KAZN: variants seen among roughly 807,000 people sequenced by gnomAD.
KAZN encodes the protein kazrin.
KAZN carries 40 observed loss-of-function variants against 87.4 expected under a neutral mutation model. The ratio of observed to expected loss-of-function variants is 0.46; its 90% CI spans 0.36 to 0.60. The LOEUF (loss-of-function observed/expected upper bound fraction) is 0.60, where lower values mean the gene tolerates loss of function less well. KAZN is among the 20% of genes least tolerant of loss of function. The probability of loss-of-function intolerance (pLI) is 0.00; values close to 1 mark genes in which losing one functional copy is unlikely to be tolerated. For missense variants in KAZN, 898 were observed against 1,073.9 expected, an observed-to-expected ratio of 0.84 and a Z score of 2.29; for synonymous variants, 466 against 458.3, an observed-to-expected ratio of 1.02 and a Z score of -0.22.
intron 2 of KAZN, among the ~76,000 whole-genome samples, chr1:14,451,847 G>C (rs1332167241): frequency 1.3e-5 from 2 of 152,182 alleles, no homozygotes; most frequent in Non-Finnish European, 2.9e-5. Flanking sequence ...AAGACAGTCA[G>C]GTAGACTGAG....
intron 1 of KAZN, among the ~76,000 whole-genome samples, chr1:14,882,052 C>T (rs552480934): frequency 9.9e-5 from 15 of 152,242 alleles, no homozygotes; most frequent in South Asian, 6.2e-4. Flanking sequence ...GTAGCTCTGG[C>T]GTGGGACCTG....
intron 2 of KAZN, among the ~76,000 whole-genome samples, chr1:14,229,206 A>G (rs577287956): frequency 1.1e-4 from 17 of 152,356 alleles, no homozygotes; most frequent in Admixed American, 9.1e-4. Flanking sequence ...CTTTAATTCA[A>G]TTGCAGCCAA....
intron 1 of KAZN, among the ~76,000 whole-genome samples, chr1:14,166,252 C>T (rs1645824437): frequency 6.6e-6 from 1 of 152,192 alleles, no homozygotes; most frequent in South Asian, 2.1e-4. Flanking sequence ...GCGGCAGAGG[C>T]TGCAGTGAGC....
rs931742794 is a variant in KAZN at position 14,856,293 on chromosome 1, C to T, written c.227-104391C>T. On this transcript the variant is annotated intron_variant, in intron 1 of 14. Coordinates refer to ENST00000376030, the MANE Select transcript of KAZN (RefSeq NM_201628.3). The surrounding 1 kb of genome is among the most constrained non-coding windows in gnomAD (Gnocchi z 5.2). Reference sequence around the variant, plus strand: ...GAATGTGAAGAATACATATTCCCTGCTTTTATGGGTACCTATGCATTCATG... The same window carrying T: ...GAATGTGAAGAATACATATTCCCTGTTTTTATGGGTACCTATGCATTCATG... Among the ~76,000 whole-genome samples, 1 of 152,152 alleles carries T rather than the reference C, an allele frequency of 6.6e-6. No individual in the cohort carries two copies.
intron 1 of KAZN, among the ~76,000 whole-genome samples, chr1:14,624,481 C>T (rs549329251): frequency 6.6e-6 from 1 of 151,926 alleles, no homozygotes; most frequent in Non-Finnish European, 1.5e-5. Flanking sequence ...CTATTTCTCC[C>T]TGCAGTTCTC....
At chr1:14,375,921 G>A (rs1157397779) in intron 2 of KAZN, among the ~76,000 whole-genome samples, 1 of 151,398 alleles carries the variant, frequency 6.6e-6, no homozygotes, top group East Asian at 1.9e-4. Flanking sequence ...ATTACATGTG[G>A]AGAGGAGTAC....
Position 14,585,726 on chromosome 1 carries a change from A to T in KAZN, c.250-13257A>T, listed in dbSNP as rs527649351. On this transcript the variant is annotated intron_variant, in intron 2 of 16. Coordinates refer to the KAZN transcript ENST00000636203. Reference sequence around the variant, plus strand: ...TGGGAAGGAGTGAGGAATGACAAACACAAATCCAGTCTACCACCAATAGTC... The same window carrying T: ...TGGGAAGGAGTGAGGAATGACAAACTCAAATCCAGTCTACCACCAATAGTC... 2.6e-5 allele frequency among the ~76,000 whole-genome samples: 4 copies of T among 152,324 alleles called. No homozygotes were observed. In the East Asian group the frequency reaches 7.7e-4, roughly 29 times the overall value.
At chr1:15,046,836 G>A (rs1029388525) in intron 4 of KAZN, among the ~76,000 whole-genome samples, 36 of 152,234 alleles carry the variant, frequency 2.4e-4, no homozygotes, top group Admixed American at 2.3e-3. Context: ...AGCCCAGAAA[G>A]AAACCTTTGA....
intron 8 of KAZN, among the ~76,000 whole-genome samples, chr1:15,082,895 G>T (rs1260981841): frequency 6.6e-6 from 1 of 152,082 alleles, no homozygotes; most frequent in Non-Finnish European, 1.5e-5. Context: ...GTTTCATGTT[G>T]GCTAGGCTGG....
chr1:14,162,897 C>G (rs946950854), intron 1 of KAZN, among the ~76,000 whole-genome samples: 1 of 152,060 alleles, frequency 6.6e-6, no homozygotes, highest in Non-Finnish European at 1.5e-5. Context: ...TACTTTTTGC[C>G]TAGGAACCAT....
chr1:14,718,440 T>C (rs1420430312), intron 1 of KAZN, among the ~76,000 whole-genome samples: 4 of 152,250 alleles, frequency 2.6e-5, no homozygotes, highest in Admixed American at 2.0e-4. Context: ...TTTTCCATTT[T>C]GGAGGGTTTC....
intron 1 of KAZN, among the ~76,000 whole-genome samples, chr1:14,050,175 T>TGC (rs1415223566): frequency 2.0e-5 from 3 of 151,088 alleles, no homozygotes; most frequent in Non-Finnish European, 3.0e-5. Context: ...TGTGGGTGTG[T>TGC]GCGCACATGT....
At chr1:13,994,564 A>G (rs1046558216) in intron 1 of KAZN, among the ~76,000 whole-genome samples, 2 of 152,144 alleles carry the variant, frequency 1.3e-5, no homozygotes, top group African/African-American at 4.8e-5. Flanking sequence ...TGGAGCCTGG[A>G]ATTTCAATGG....
At chr1:14,965,586 T>C (rs1664368660) in intron 2 of KAZN, among the ~76,000 whole-genome samples, 3 of 152,260 alleles carry the variant, frequency 2.0e-5, no homozygotes, top group Admixed American at 2.0e-4. Context: ...TTTTAATGAC[T>C]ACATAATGTT....
chr1:14,115,602 T>G (rs1644599572), intron 1 of KAZN, among the ~76,000 whole-genome samples: 1 of 152,240 alleles, frequency 6.6e-6, no homozygotes, highest in African/African-American at 2.4e-5. Context: ...GTCCTAAGCA[T>G]GTCTTTATCA....
upstream of KAZN, chr1:14,598,655 T>G: frequency 5.0e-6 from 6 of 1,196,296 alleles, no homozygotes; most frequent in Admixed American, 4.8e-5. This position sits in a 1 kb window ranked among gnomAD's most constrained non-coding sequence, Gnocchi z 4.2. Context: ...GTAGGCTCCA[T>G]TTAAAGAGTG....
chr1:14,680,030 G>A (rs1640475947), intron 1 of KAZN, among the ~76,000 whole-genome samples: 1 of 152,156 alleles, frequency 6.6e-6, no homozygotes, highest in Admixed American at 6.5e-5. Context: ...CCTGTGGAAT[G>A]TTTAAAGCCG....
intron 2 of KAZN, among the ~76,000 whole-genome samples, chr1:14,583,067 A>T (rs192888984): frequency 5.1e-4 from 77 of 152,248 alleles, no homozygotes; most frequent in Admixed American, 9.2e-4. Context: ...ACCCTTATCA[A>T]CTCACTTAAT....
At chr1:14,424,380 A>G (rs574100040) in intron 2 of KAZN, among the ~76,000 whole-genome samples, 134 of 152,328 alleles carry the variant, frequency 8.8e-4, no homozygotes, top group Non-Finnish European at 1.4e-3. Flanking sequence ...TAAAGTCTAC[A>G]GCAAGTAACA....
Sources: gnomAD v4.1 joint callset for allele counts (sites outside exome capture counted in the v4.1 genomes callset) on GRCh38, gnomAD v4.1.1 for gene constraint, Gnocchi (gnomAD v3.1) non-coding constraint, MANE v1.5 for transcripts, NCBI Gene and HGNC (gene_info 2026-07-23, HGNC 2026-07-21) for gene names.